Variants in KCNAB2 observed in about 807,000 individuals in gnomAD.
KCNAB2 encodes potassium voltage-gated channel subfamily A regulatory beta subunit 2.
In KCNAB2, 29 loss-of-function variants were observed where a neutral mutation model predicts 63.6. The observed-to-expected ratio is 0.46, with a 90% CI of 0.34 to 0.62. The LOEUF is 0.62. Among genes scored for constraint, KCNAB2 ranks in the 20% least tolerant of loss-of-function variants. KCNAB2 has a pLI of 0.01. For synonymous variants in KCNAB2, 222 were observed against 224.2 expected (o/e 0.99, Z 0.09); for missense variants, 359 against 563.9 (o/e 0.64, Z 3.68).
At chr1:6,012,295 AGGCAGAGGTGGTG>A (rs1472263260) in intron 1 of KCNAB2, among the ~76,000 whole-genome samples, 9 of 95,074 alleles carry the variant, frequency 9.5e-5, no homozygotes, top group Admixed American at 2.1e-4. Flanking sequence ...GAGGTGATGA[AGGCAGAGGTGGTG>A]GGTGGAGGTG....
rs1257345222 is a variant in KCNAB2 at position 6,097,291 on chromosome 1, A to G, written c.1092A>G (p.Gly364=). ...LAIAWCLRNE[G]VSSVLLGASN... ...CAGCCTGGTGCCTGAGGAATGAGGG[A>G]GTCAGCTCCGTGCTCCTGGGGGCCT... The change falls in exon 15 of 16, where the codon GGA becomes GGG. Residue 364 remains glycine (G), a synonymous_variant. Coordinates refer to ENST00000378083, the MANE Select transcript of KCNAB2 (RefSeq NM_001199862.2). 5 of 1,550,370 alleles carry G rather than the reference A, an allele frequency of 3.2e-6. No homozygotes were observed. Among genetic ancestry groups the G allele is most frequent in the Non-Finnish European group, 4.4e-6 (5 of 1,146,190 alleles).
intron 1 of KCNAB2, among the ~76,000 whole-genome samples, chr1:6,008,045 T>G (rs1570844451): frequency 2.0e-5 from 3 of 151,952 alleles, no homozygotes; most frequent in Admixed American, 1.3e-4. Context: ...AGCTGATGAG[T>G]GAGGGCCAGG....
chr1:6,095,747 G>A (rs1350447862), intron 13 of KCNAB2, 123 bp downstream of exon 13: 10 of 873,782 alleles, frequency 1.1e-5, no homozygotes, highest in Admixed American at 2.0e-5. Context: ...TTCCCACCTC[G>A]GTCTGCTGGG....
rs1285898049 is a variant in KCNAB2 at position 6,078,591 on chromosome 1, G to T, written c.301-3604G>T. On this transcript the variant is annotated intron_variant, in intron 4 of 15. Transcript: ENST00000378083. The surrounding 1 kb of genome is among the most constrained non-coding windows in gnomAD (Gnocchi z 4.2). ...AGTGTTGGGGAGAAGGGGATGCAGG[G>T]GATAGAGCTGGGGGTCAGGGTGCAG... 6.6e-6 allele frequency among the ~76,000 whole-genome samples: 1 copy of T among 152,122 alleles called. No homozygotes were observed. Among genetic ancestry groups the T allele is most frequent in the Non-Finnish European group, 1.5e-5 (1 of 68,016 alleles).
Position 5,994,062 on chromosome 1 carries a change from G to A in KCNAB2, c.-53+1274G>A, listed in dbSNP as rs1656767167. Among the ~76,000 whole-genome samples, 1 of 152,194 alleles carries A rather than the reference G, an allele frequency of 6.6e-6. No homozygotes were observed. Among genetic ancestry groups the A allele is most frequent in the African/African-American group, 2.4e-5 (1 of 41,450 alleles). On this transcript the variant is annotated intron_variant, in intron 1 of 16. Coordinates refer to the KCNAB2 transcript ENST00000341524. This position sits in a 1 kb window ranked among gnomAD's most constrained non-coding sequence, Gnocchi z 5.4. ...GGGGAAGTGGGCTATTAGCATTTAT[G>A]GAAATTAATACATCCACATCCGAGG...
intron 1 of KCNAB2, among the ~76,000 whole-genome samples, chr1:6,039,592 C>G (rs1457126098): frequency 6.6e-6 from 1 of 152,102 alleles, no homozygotes; most frequent in Non-Finnish European, 1.5e-5. Context: ...TCTCCTGGTT[C>G]TTGTGGGTCA....
intron 1 of KCNAB2, among the ~76,000 whole-genome samples, chr1:6,049,233 T>A (rs1215311294): frequency 6.6e-6 from 1 of 152,180 alleles, no homozygotes; most frequent in African/African-American, 2.4e-5. Context: ...GCCTGGGCCT[T>A]GGTTGCTGTT....
intron 1 of KCNAB2, among the ~76,000 whole-genome samples, chr1:6,006,678 CCTCAGCTCAGCTCCCACATCCCCCACT>C (rs1657802715): frequency 1.0e-4 from 7 of 67,928 alleles, no homozygotes; most frequent in Non-Finnish European, 1.6e-4. Flanking sequence ...ACCCTCCACC[CCTCAGCTCAGCTCCCACATCCCCCACT>C]TCACCCTCAC....
At chr1:6,009,496 G>A (rs938767923) in intron 1 of KCNAB2, among the ~76,000 whole-genome samples, 4 of 152,252 alleles carry the variant, frequency 2.6e-5, no homozygotes, top group African/African-American at 7.2e-5. Flanking sequence ...CCTCTTGCCA[G>A]GACTGGCCTG....
chr1:6,091,227 A>G (rs1665162180), intron 9 of KCNAB2, 36 bp from the exon 10 acceptor site: 2 of 1,484,260 alleles, frequency 1.3e-6, no homozygotes, highest in African/African-American at 1.4e-5. Context: ...CCCAGCTATC[A>G]ACTCTGGTCT....
chr1:6,041,759 T>G (rs1570934234), upstream of KCNAB2: 1 of 1,381,630 alleles, frequency 7.2e-7, no homozygotes, highest in Non-Finnish European at 1.0e-6. Flanking sequence ...CCTGCTGGGG[T>G]TGATGCCAAC....
chr1:6,093,540 C>T (rs767126843), intron 10 of KCNAB2, among the ~76,000 whole-genome samples: 4 of 152,250 alleles, frequency 2.6e-5, no homozygotes, highest in African/African-American at 7.2e-5. Context: ...AAAAGGCCAG[C>T]GTGAAGTCTC....
intron 1 of KCNAB2, among the ~76,000 whole-genome samples, chr1:6,008,743 G>A (rs1657975763): frequency 6.6e-6 from 1 of 152,180 alleles, no homozygotes; most frequent in Non-Finnish European, 1.5e-5. Context: ...CTGAGGGAGT[G>A]AGGCCCCCGA....
intron 1 of KCNAB2, chr1:6,007,528 T>TCCTCCGCGCCTCCTCTGCGCCC (rs1309353575): frequency 6.6e-6 from 1 of 152,402 alleles, no homozygotes; most frequent in Non-Finnish European, 1.5e-5. Context: ...CCTCCGCGCC[T>TCCTCCGCGCCTCCTCTGCGCCC]CCTCTGCGCC....
At chr1:6,014,889 G>A (rs1285677783) in intron 1 of KCNAB2, among the ~76,000 whole-genome samples, 6 of 152,332 alleles carry the variant, frequency 3.9e-5, no homozygotes, top group Admixed American at 6.5e-5. Context: ...TGTCCCCACA[G>A]AAGGGCAGGG....
At chr1:6,048,547 C>T (rs1397471185) in intron 1 of KCNAB2, among the ~76,000 whole-genome samples, 1 of 152,264 alleles carries the variant, frequency 6.6e-6, no homozygotes, top group Admixed American at 6.5e-5. Context: ...CGTCCTCCAG[C>T]CCCGGGGCCT....
chr1:6,098,290 A>G (rs1289246812), intron 15 of KCNAB2, 195 bp from the exon 16 acceptor site: 2 of 1,402,664 alleles, frequency 1.4e-6, no homozygotes, highest in East Asian at 2.7e-5. Context: ...AGACCCAGGC[A>G]TGCTTCCTCT....
intron 1 of KCNAB2, among the ~76,000 whole-genome samples, chr1:6,013,261 G>C (rs1346027698): frequency 1.3e-5 from 2 of 151,894 alleles, no homozygotes; most frequent in Non-Finnish European, 2.9e-5. Flanking sequence ...CCTGCCCTCA[G>C]TGTCCCGCTG....
At chr1:6,015,387 A>T (rs1472651958) in intron 1 of KCNAB2, among the ~76,000 whole-genome samples, 2 of 152,170 alleles carry the variant, frequency 1.3e-5, no homozygotes, top group South Asian at 4.1e-4. Context: ...GGGCCAGATC[A>T]GGCCCACCGT....
Sources: gnomAD v4.1 joint callset for allele counts (sites outside exome capture counted in the v4.1 genomes callset) on GRCh38, gnomAD v4.1.1 for gene constraint, Gnocchi (gnomAD v3.1) non-coding constraint, MANE v1.5 for transcripts, NCBI Gene and HGNC (gene_info 2026-07-23, HGNC 2026-07-21) for gene names.